The following ZNF536 variants were observed in gnomAD, a reference collection of about 807,000 sequenced individuals.
ZNF536 encodes the protein zinc finger protein 536.
A neutral mutation model predicts 84.5 loss-of-function variants in ZNF536; 13 were observed. That is an observed-to-expected ratio of 0.15 (90% CI 0.10 to 0.24). The LOEUF (loss-of-function observed/expected upper bound fraction) is 0.24. ZNF536 is among the 10% of genes least tolerant of loss of function. ZNF536 has a pLI of 1.00. For missense variants in ZNF536, 1,536 were observed against 1,747.5 expected (o/e 0.88, Z 2.16); for synonymous variants, 811 against 742.5 (o/e 1.09, Z -1.50).
chr19:30,469,334 C>G (rs995937488), intron 2 of ZNF536, among the ~76,000 whole-genome samples: 1 of 152,076 alleles, frequency 6.6e-6, no homozygotes, highest in Non-Finnish European at 1.5e-5. Flanking sequence ...ATGGCATGAA[C>G]CCAGAAGGCG....
At chr19:30,415,595 G>GTCATCA (rs35189422) in intron 1 of ZNF536, among the ~76,000 whole-genome samples, 12 of 150,232 alleles carry the variant, frequency 8.0e-5, no homozygotes, top group South Asian at 2.1e-4. Context: ...CATCGTCATC[G>GTCATCA]TCATCATCAT....
intron 4 of ZNF536, among the ~76,000 whole-genome samples, chr19:30,550,822 A>C (rs2045749294): frequency 6.6e-6 from 1 of 152,152 alleles, no homozygotes; most frequent in Admixed American, 6.5e-5. Flanking sequence ...ATTTTTTTGA[A>C]TTGTCGAAAA....
At chr19:30,525,934 G>T (rs1236403348) in intron 2 of ZNF536, among the ~76,000 whole-genome samples, 1 of 152,164 alleles carries the variant, frequency 6.6e-6, no homozygotes, top group Non-Finnish European at 1.5e-5. Flanking sequence ...ATTCTAAAAA[G>T]CAATGAAATG....
Position 30,445,072 on chromosome 19 carries a change from G to A in ZNF536, c.1510G>A (p.Glu504Lys), listed in dbSNP as rs767972699. 25 of 1,613,432 alleles carry A rather than the reference G, an allele frequency of 1.5e-5. No individual in the cohort carries two copies. The highest frequency in any genetic ancestry group is 1.8e-5 in the Non-Finnish European group (21 of 1,180,038). ...LVPPLKSSCIERLQAAAKAAE... is the reference protein window; with the variant it reads ...LVPPLKSSCIKRLQAAAKAAE... ...GCCGCCGCTGAAATCCAGCTGCATC[G>A]AGCGGCTGCAGGCGGCTGCCAAGGC... The change falls in exon 2 of 5, where the codon GAG becomes AAG. Residue 504 changes from glutamate to lysine, a missense_variant. Around this residue, in one of 8 missense-constraint regions of ZNF536, gnomAD observed 366 missense variants for 364.4 expected, o/e 1.00. Coordinates refer to ENST00000355537, the MANE Select transcript of ZNF536 (RefSeq NM_014717.3). The surrounding 1 kb of genome is among the most constrained non-coding windows in gnomAD (Gnocchi z 4.5).
chr19:30,700,806 T>G (rs1033343074), intron 1 of ZNF536, among the ~76,000 whole-genome samples: 1 of 152,186 alleles, frequency 6.6e-6, no homozygotes, highest in Admixed American at 6.5e-5. Flanking sequence ...TGACCTATAG[T>G]GATGAAGACC....
chr19:30,656,214 G>A (rs748260174), intron 1 of ZNF536, among the ~76,000 whole-genome samples: 1 of 152,100 alleles, frequency 6.6e-6, no homozygotes, highest in Non-Finnish European at 1.5e-5. Context: ...ACAATTGCCT[G>A]GTCTTCTGAA....
chr19:30,563,995 G>A (rs2046265067), intron 1 of ZNF536, among the ~76,000 whole-genome samples: 1 of 152,190 alleles, frequency 6.6e-6, no homozygotes, highest in African/African-American at 2.4e-5. Flanking sequence ...CTGGGATGGG[G>A]GGACCAAGGG....
At chr19:30,515,706 C>T (rs2055609464) in intron 2 of ZNF536, among the ~76,000 whole-genome samples, 1 of 152,006 alleles carries the variant, frequency 6.6e-6, no homozygotes, top group Admixed American at 6.6e-5. Context: ...TGGAATCTCC[C>T]AGAAGTAAAA....
At chr19:30,329,356 A>G (rs1414022858) in intron 2 of ZNF536, among the ~76,000 whole-genome samples, 1 of 152,134 alleles carries the variant, frequency 6.6e-6, no homozygotes, top group Non-Finnish European at 1.5e-5. Flanking sequence ...TTGCCCTTTG[A>G]AGAAAAATAT....
chr19:30,297,903 T>TAC (rs550479142), intron 2 of ZNF536, among the ~76,000 whole-genome samples: 1 of 126,374 alleles, frequency 7.9e-6, no homozygotes, highest in African/African-American at 3.1e-5. Flanking sequence ...CAAGACGGAG[T>TAC]CCCCCCCCCC....
chr19:30,281,967 T>C (rs544174578), intron 1 of ZNF536, among the ~76,000 whole-genome samples: 8 of 152,288 alleles, frequency 5.3e-5, no homozygotes, highest in African/African-American at 1.9e-4. Flanking sequence ...CTGACTGTGT[T>C]ATGTCTAAAT....
intron 1 of ZNF536, among the ~76,000 whole-genome samples, chr19:30,249,644 CA>C (rs1260657664): frequency 6.6e-6 from 1 of 152,112 alleles, no homozygotes; most frequent in Non-Finnish European, 1.5e-5. Flanking sequence ...GACCCTGTCC[CA>C]AAACAAAAAC....
chr19:30,455,811 A>C (rs1268892570), intron 2 of ZNF536, among the ~76,000 whole-genome samples: 1 of 152,244 alleles, frequency 6.6e-6, no homozygotes, highest in Non-Finnish European at 1.5e-5. Context: ...TGATCTATCA[A>C]ACTCGAGGTG....
In ZNF536 at chr19:30,330,637, T is replaced by C. The variant is rs182445674; in HGVS notation, c.-119-21731T>C. Among the ~76,000 whole-genome samples, 296 of 152,328 alleles carry C rather than the reference T, an allele frequency of 1.9e-3. 2 individuals are homozygous for C. Among genetic ancestry groups the C allele is most frequent in the African/African-American group, 6.5e-3 (269 of 41,580 alleles). On this transcript the variant is annotated intron_variant, in intron 2 of 5. Transcript: ENST00000585628. ...GACGTTTGGGCTCTCCCAGGCCATATCTGTGAAGCAACAGCTGGTGGTCTG... is the reference window on the plus strand; with the variant it reads ...GACGTTTGGGCTCTCCCAGGCCATACCTGTGAAGCAACAGCTGGTGGTCTG...
intron 4 of ZNF536, chr19:30,554,216 T>C (rs1001447638): frequency 4.0e-5 from 6 of 151,538 alleles, no homozygotes; most frequent in African/African-American, 1.5e-4. Context: ...CTAAGCCTTA[T>C]AGATTTCTTG....
In ZNF536 at chr19:30,548,047, G is replaced by A. The variant is rs903811297; in HGVS notation, c.2428G>A (p.Gly810Arg). The change falls in exon 4 of 5, where the codon GGG becomes AGG. Residue 810 changes from glycine to arginine, a missense_variant. Around this residue, in one of 8 missense-constraint regions of ZNF536, gnomAD observed 148 missense variants for 205.4 expected, o/e 0.72. Coordinates refer to ENST00000355537, the MANE Select transcript of ZNF536 (RefSeq NM_014717.3). Reference sequence around the variant, plus strand: ...CCATCGGGAGCGGCAGAACGGGGCTGGGCCGCTGTCTGGGCAACCCCCAAA... The same window carrying A: ...CCATCGGGAGCGGCAGAACGGGGCTAGGCCGCTGTCTGGGCAACCCCCAAA... Reference protein sequence around the residue: ...RHHRERQNGAGPLSGQPPNQD... With the variant: ...RHHRERQNGARPLSGQPPNQD... The A allele has an allele frequency of 6.2e-7, 1 of 1,614,080 alleles. No individual in the cohort carries two copies. The highest frequency in any genetic ancestry group is 8.5e-7 in the Non-Finnish European group (1 of 1,180,006).
intron 1 of ZNF536, among the ~76,000 whole-genome samples, chr19:30,632,529 C>G (rs2048921856): frequency 6.6e-6 from 1 of 152,178 alleles, no homozygotes; most frequent in African/African-American, 2.4e-5. Context: ...TCGCTTGAAC[C>G]TGGGAGGTGG....
intron 2 of ZNF536, among the ~76,000 whole-genome samples, chr19:30,476,804 C>G (rs926981312): frequency 2.0e-5 from 3 of 152,156 alleles, no homozygotes; most frequent in Admixed American, 1.3e-4. Flanking sequence ...ATGTGATTTG[C>G]GAACTTCTCC....
intron 2 of ZNF536, among the ~76,000 whole-genome samples, chr19:30,501,275 C>T (rs1189562083): frequency 6.6e-6 from 1 of 152,196 alleles, no homozygotes; most frequent in Non-Finnish European, 1.5e-5. Flanking sequence ...CATGACTTCT[C>T]ATTCCTGGTT....
Sources: gnomAD v4.1 joint callset for allele counts (sites outside exome capture counted in the v4.1 genomes callset) on GRCh38, gnomAD v4.1.1 for gene constraint, gnomAD v4.1.1 regional missense constraint, Gnocchi (gnomAD v3.1) non-coding constraint, MANE v1.5 for transcripts, NCBI Gene and HGNC (gene_info 2026-07-23, HGNC 2026-07-21) for gene names.